Variants in DLGAP2 observed in about 807,000 individuals in gnomAD.
DLGAP2 encodes the protein disks large-associated protein 2.
DLGAP2 carries 26 observed loss-of-function variants against 100.3 expected under a neutral mutation model. The ratio of observed to expected loss-of-function variants is 0.26; its 90% CI spans 0.19 to 0.36. DLGAP2 has a LOEUF of 0.36. Among genes scored for constraint, DLGAP2 ranks in the 10% least tolerant of loss-of-function variants. DLGAP2 has a pLI of 1.00. For missense variants in DLGAP2, 1,858 were observed against 1,453.2 expected, an observed-to-expected ratio of 1.28 and a Z score of -4.53; for synonymous variants, 886 against 630.1, an observed-to-expected ratio of 1.41 and a Z score of -6.08.
At chr8:1,270,361 G>A (rs1208735193) in intron 3 of DLGAP2, among the ~76,000 whole-genome samples, 1 of 152,236 alleles carries the variant, frequency 6.6e-6, no homozygotes, top group Non-Finnish European at 1.5e-5. Context: ...GCAATGGGGA[G>A]AATGAATGTG....
intron 3 of DLGAP2, among the ~76,000 whole-genome samples, chr8:1,358,772 A>G (rs1801911737): frequency 6.6e-6 from 1 of 152,088 alleles, no homozygotes; most frequent in African/African-American, 2.4e-5. Flanking sequence ...GCGGTGGGCT[A>G]AGCGGGGCTG....
intron 2 of DLGAP2, among the ~76,000 whole-genome samples, chr8:1,161,235 C>G (rs1050448792): frequency 3.3e-5 from 5 of 152,216 alleles, no homozygotes; most frequent in Middle Eastern, 6.8e-3. Flanking sequence ...ATGGATAGAA[C>G]CATCAGCTGG....
At chr8:1,118,144 C>A (rs903268618) in intron 2 of DLGAP2, among the ~76,000 whole-genome samples, 1 of 152,288 alleles carries the variant, frequency 6.6e-6, no homozygotes, top group Non-Finnish European at 1.5e-5. Flanking sequence ...AAATTAACCG[C>A]AGTTCAGAAA....
At chr8:1,447,796 C>T (rs1413512936) in intron 3 of DLGAP2, among the ~76,000 whole-genome samples, 1 of 152,176 alleles carries the variant, frequency 6.6e-6, no homozygotes, top group African/African-American at 2.4e-5. Context: ...GAGTCAACTT[C>T]TTCCTGGTTT....
chr8:1,320,061 G>T (rs1401500141), intron 3 of DLGAP2, among the ~76,000 whole-genome samples: 1 of 152,066 alleles, frequency 6.6e-6, no homozygotes, highest in South Asian at 2.1e-4. Context: ...GGGAGTTGAG[G>T]AACTCGGGAG....
chr8:793,494 C>T (rs1178384339), intron 1 of DLGAP2, among the ~76,000 whole-genome samples: 6 of 152,324 alleles, frequency 3.9e-5, no homozygotes, highest in Middle Eastern at 3.4e-3. Flanking sequence ...CCCCGCACCA[C>T]GCTGCTGGGT....
chr8:1,293,547 G>A lies in DLGAP2; in HGVS notation c.106+34664G>A, dbSNP rs921818045. On this transcript the variant is annotated intron_variant, in intron 3 of 14. Transcript: ENST00000637795. ...TCTTCCTTTGGGCCTGGAATTTTTC[G>A]TGAAATAACCTACGTATTTCTTCAT... Among the ~76,000 whole-genome samples the A allele has an allele frequency of 5.3e-5, 8 of 152,044 alleles. 1 individual carries two copies. The South Asian group carries it at 6.2e-4, about 12-fold the overall frequency.
chr8:780,976 A>G (rs887855177), intron 1 of DLGAP2, among the ~76,000 whole-genome samples: 2 of 152,230 alleles, frequency 1.3e-5, no homozygotes, highest in Non-Finnish European at 2.9e-5. Flanking sequence ...GCATCTGGCA[A>G]TGAATTACAT....
At chr8:1,528,959 A>G (rs1019673498) in intron 4 of DLGAP2, among the ~76,000 whole-genome samples, 5 of 152,244 alleles carry the variant, frequency 3.3e-5, no homozygotes, top group Non-Finnish European at 7.3e-5. Flanking sequence ...GATTCCTAGC[A>G]TTTCCTAAAA....
At chr8:812,220 T>A (rs1199640220) in intron 1 of DLGAP2, among the ~76,000 whole-genome samples, 1 of 152,180 alleles carries the variant, frequency 6.6e-6, no homozygotes, top group Non-Finnish European at 1.5e-5. Context: ...GAGTTGGTAC[T>A]GCAGCGAGGG....
At chr8:1,334,221 C>T (rs1182960429) in intron 3 of DLGAP2, among the ~76,000 whole-genome samples, 2 of 152,218 alleles carry the variant, frequency 1.3e-5, no homozygotes, top group East Asian at 3.9e-4. Context: ...AAATCAACAG[C>T]TTTTGGCTGC....
chr8:933,280 C>A (rs1205953617), intron 2 of DLGAP2, among the ~76,000 whole-genome samples: 1 of 152,272 alleles, frequency 6.6e-6, no homozygotes, highest in Non-Finnish European at 1.5e-5. Context: ...TGTCCTGGAA[C>A]AAATGACGGC....
In DLGAP2 at chr8:1,069,945, G is replaced by A. The variant is rs567302733; in HGVS notation, c.73+161979G>A. Among the ~76,000 whole-genome samples, 9 of 152,306 alleles carry A rather than the reference G, an allele frequency of 5.9e-5. No individual in the cohort carries two copies. The South Asian group carries it at 1.2e-3, about 21-fold the overall frequency. ...GGCTGAACCCCCTCCCCAAAGCTGC[G>A]TCAGAGGACAGAGGGAAGGGATTTT... On this transcript the variant is annotated intron_variant, in intron 2 of 14. Transcript: ENST00000637795.
At chr8:941,970 A>C (rs1159337384) in intron 2 of DLGAP2, among the ~76,000 whole-genome samples, 1 of 151,922 alleles carries the variant, frequency 6.6e-6, no homozygotes, top group Non-Finnish European at 1.5e-5. Context: ...CATCAGTGGG[A>C]ATGTTTTTGT....
intron 6 of DLGAP2, among the ~76,000 whole-genome samples, chr8:1,576,495 T>C (rs187997662): frequency 6.6e-6 from 1 of 152,182 alleles, no homozygotes; most frequent in African/African-American, 2.4e-5. Flanking sequence ...TGTCAATTTT[T>C]GCTTTTGTTG....
At chr8:1,062,709 G>A (rs991637801) in intron 2 of DLGAP2, among the ~76,000 whole-genome samples, 1 of 152,118 alleles carries the variant, frequency 6.6e-6, no homozygotes, top group Admixed American at 6.6e-5. Context: ...TCTCTTGATA[G>A]TCGTTGTGAT....
chr8:1,475,586 A>T (rs992169224), intron 3 of DLGAP2, among the ~76,000 whole-genome samples: 1 of 152,142 alleles, frequency 6.6e-6, no homozygotes, highest in South Asian at 2.1e-4. Flanking sequence ...GGGTCAGGTC[A>T]CCACCCTAAA....
chr8:1,039,413 G>A (rs1802235270), intron 2 of DLGAP2, among the ~76,000 whole-genome samples: 1 of 149,386 alleles, frequency 6.7e-6, no homozygotes, highest in African/African-American at 2.5e-5. Flanking sequence ...GGTTTCTGTG[G>A]TCAGCTCGGT....
intron 3 of DLGAP2, among the ~76,000 whole-genome samples, chr8:1,445,704 T>C (rs375522927): frequency 1.2e-4 from 18 of 152,312 alleles, no homozygotes; most frequent in African/African-American, 2.4e-4. Flanking sequence ...ACAGTCCCAC[T>C]AACAGTGTAA....
Sources: gnomAD v4.1 joint callset for allele counts (sites outside exome capture counted in the v4.1 genomes callset) on GRCh38, gnomAD v4.1.1 for gene constraint, MANE v1.5 for transcripts, NCBI Gene and HGNC (gene_info 2026-07-23, HGNC 2026-07-21) for gene names.